CSF2RA: variants seen among roughly 807,000 people sequenced by gnomAD.
CSF2RA encodes colony stimulating factor 2 receptor subunit alpha, also known as granulocyte-macrophage colony-stimulating factor receptor subunit alpha.
Under a neutral mutation model 51.6 loss-of-function variants are expected in CSF2RA, and 42 were observed. The ratio of observed to expected loss-of-function variants is 0.81; its 90% confidence interval spans 0.64 to 1.05. CSF2RA has a LOEUF of 1.05. Among genes scored for constraint, CSF2RA ranks in the 50% least tolerant of loss-of-function variants. CSF2RA has a pLI of 0.00. For synonymous variants in CSF2RA, 222 were observed against 193.0 expected, an observed-to-expected ratio of 1.15 and a Z score of -1.24; for missense variants, 530 against 501.1, an observed-to-expected ratio of 1.06 and a Z score of -0.55.
At chrX:1,295,631 TC>T in intron 9 of CSF2RA, 175 bp downstream of exon 9, 1 of 723,190 alleles carries the variant, frequency 1.4e-6, no homozygotes, top group Non-Finnish European at 2.5e-6. Context: ...AACTCTACAG[TC>T]CCCTACTCAT....
chrX:1,294,812 T>G (rs1434925756), intron 8 of CSF2RA, among the ~76,000 whole-genome samples: 2 of 151,706 alleles, frequency 1.3e-5, no homozygotes, highest in African/African-American at 2.4e-5. Context: ...CATGTCTACC[T>G]GGACCCAGTG....
At chrX:1,319,359 C>G in the CSF2RA span, among the ~76,000 whole-genome samples, 1 of 147,868 alleles carries the variant, frequency 6.8e-6, no homozygotes, top group Non-Finnish European at 1.5e-5. Flanking sequence ...ACGATCATGG[C>G]TCACTGTAGC....
At chrX:1,273,142 A>G (rs761308823) in intron 1 of CSF2RA, among the ~76,000 whole-genome samples, 1 of 151,984 alleles carries the variant, frequency 6.6e-6, no homozygotes, top group Admixed American at 6.6e-5. Flanking sequence ...TATCTTGCCC[A>G]AATTCCTATC....
At chrX:1,276,540 G>C (rs1296896904) in intron 2 of CSF2RA, among the ~76,000 whole-genome samples, 1 of 150,974 alleles carries the variant, frequency 6.6e-6, no homozygotes, top group Non-Finnish European at 1.5e-5. Flanking sequence ...CACCCGGCTA[G>C]TATTTGTATT....
intron 2 of CSF2RA, chrX:1,281,900 A>G (rs113560405): frequency 0.22 from 32,238 of 147,698 alleles, 4,484 homozygotes; most frequent in East Asian, 0.53. Flanking sequence ...TTTTTAAAAA[A>G]TATAAAAGAG....
At chrX:1,319,489 T>A in the CSF2RA span, among the ~76,000 whole-genome samples, 72 of 149,720 alleles carry the variant, frequency 4.8e-4, 7 homozygotes, top group Non-Finnish European at 1.0e-3. Flanking sequence ...GGTCTCACTA[T>A]GTTGCCCAGG....
At chrX:1,306,256 CAGAG>C (rs2083556197) in intron 12 of CSF2RA, among the ~76,000 whole-genome samples, 1 of 151,392 alleles carries the variant, frequency 6.6e-6, no homozygotes, top group Non-Finnish European at 1.5e-5. Flanking sequence ...GACACACAGA[CAGAG>C]AAACAGAGAG....
At chrX:1,317,927 C>T in the CSF2RA span, among the ~76,000 whole-genome samples, 1 of 151,876 alleles carries the variant, frequency 6.6e-6, no homozygotes, top group Non-Finnish European at 1.5e-5. Flanking sequence ...CCACCTCGGC[C>T]TCCTTAGTAG....
the CSF2RA span, among the ~76,000 whole-genome samples, chrX:1,320,566 T>C: frequency 9.2e-5 from 14 of 151,438 alleles, no homozygotes; most frequent in South Asian, 1.3e-3. Flanking sequence ...GGCGTGGTCT[T>C]GGCTCACTGC....
intron 6 of CSF2RA, among the ~76,000 whole-genome samples, chrX:1,289,967 T>G (rs1216140817): frequency 1.3e-5 from 2 of 151,610 alleles, no homozygotes; most frequent in African/African-American, 2.4e-5. Flanking sequence ...GTGTTTGTTT[T>G]TGTTTTGTTT....
At chrX:1,316,559 G>A in the CSF2RA span, among the ~76,000 whole-genome samples, 14 of 152,294 alleles carry the variant, frequency 9.2e-5, no homozygotes, top group Admixed American at 5.2e-4. Context: ...AGTGCACAGC[G>A]TCTAACAAGC....
At chrX:1,271,097 T>G (rs1403630771) in intron 1 of CSF2RA, among the ~76,000 whole-genome samples, 1 of 151,854 alleles carries the variant, frequency 6.6e-6, no homozygotes, top group Non-Finnish European at 1.5e-5. Context: ...CCACCCAGAT[T>G]GGGGTACTAA....
chrX:1,318,012 A>G, the CSF2RA span, among the ~76,000 whole-genome samples: 2 of 147,568 alleles, frequency 1.4e-5, no homozygotes, highest in Admixed American at 6.7e-5. Context: ...TTTGTGAGAC[A>G]GAGTCTCACT....
At chrX:1,318,082 G>A in the CSF2RA span, among the ~76,000 whole-genome samples, 8 of 145,140 alleles carry the variant, frequency 5.5e-5, no homozygotes, top group South Asian at 2.1e-4. Flanking sequence ...TCCACTTCCC[G>A]GGTTCAAGCG....
Position 1,273,309 on chromosome X carries a change from T to C in CSF2RA, c.-90-1446T>C, listed in dbSNP as rs1603416032. 4.0e-5 allele frequency among the ~76,000 whole-genome samples: 6 copies of C among 151,558 alleles called. No homozygotes were observed. The South Asian group carries it at 1.2e-3, about 31-fold the overall frequency. On this transcript the variant is annotated intron_variant, in intron 1 of 12. Coordinates refer to ENST00000381529, the MANE Select transcript of CSF2RA (RefSeq NM_172245.4). Reference sequence around the variant, plus strand: ...ATATGTTGCCCCAAAATATGTTTCTTAGTTGTATTTTTTTTTTCTTTTAAG... The same window carrying C: ...ATATGTTGCCCCAAAATATGTTTCTCAGTTGTATTTTTTTTTTCTTTTAAG...
chrX:1,296,639 C>G (rs867971358), intron 9 of CSF2RA, among the ~76,000 whole-genome samples: 19 of 34,216 alleles, frequency 5.6e-4, no homozygotes, highest in African/African-American at 1.6e-3. Context: ...TGGCGGAACC[C>G]TACAGTCCCC....
downstream of CSF2RA, among the ~76,000 whole-genome samples, chrX:1,310,733 T>C (rs1364503105): frequency 2.0e-5 from 3 of 152,032 alleles, no homozygotes; most frequent in Non-Finnish European, 4.4e-5. Flanking sequence ...ATCCAGTTTT[T>C]AGTAGGTCCG....
chrX:1,283,506 T>G (rs1436701253), intron 3 of CSF2RA, among the ~76,000 whole-genome samples: 1 of 137,170 alleles, frequency 7.3e-6, no homozygotes, highest in African/African-American at 2.9e-5. Flanking sequence ...TTCTTTCTCC[T>G]TTTTTTTTCT....
At chrX:1,303,664 C>T (rs1317199485) in intron 10 of CSF2RA, among the ~76,000 whole-genome samples, 1 of 152,142 alleles carries the variant, frequency 6.6e-6, no homozygotes, top group Admixed American at 6.6e-5. Flanking sequence ...GCGTGAGCCA[C>T]CGCATCCGGC....
Sources: gnomAD v4.1 joint callset for allele counts (sites outside exome capture counted in the v4.1 genomes callset) on GRCh38, gnomAD v4.1.1 for gene constraint, MANE v1.5 for transcripts, NCBI Gene and HGNC (gene_info 2026-07-23, HGNC 2026-07-21) for gene names.